DEF8: variants seen among roughly 807,000 people sequenced by gnomAD.
DEF8 encodes the protein DEF-8.
Under a neutral mutation model 59.1 loss-of-function variants are expected in DEF8, and 38 were observed. That is an observed-to-expected ratio of 0.64 (90% CI 0.50 to 0.84). The LOEUF (loss-of-function observed/expected upper bound fraction) is 0.84. Among genes scored for constraint, DEF8 ranks in the 40% least tolerant of loss-of-function variants. DEF8 has a pLI of 0.00. For missense variants in DEF8, 557 were observed against 615.2 expected, an observed-to-expected ratio of 0.91 and a Z score of 1.00; for synonymous variants, 265 against 250.1, an observed-to-expected ratio of 1.06 and a Z score of -0.56.
chr16:89,964,926 G>A (rs974766541), intron 12 of DEF8, among the ~76,000 whole-genome samples: 1 of 152,202 alleles, frequency 6.6e-6, no homozygotes, highest in African/African-American at 2.4e-5. Context: ...CTCTTTCAGG[G>A]TTAGTATAGG....
In DEF8 at chr16:89,954,292, C is replaced by T. The variant is rs765988888; in HGVS notation, c.40C>T (p.His14Tyr). 5.5e-5 allele frequency: 88 copies of T among 1,613,456 alleles called. No homozygotes were observed. Among genetic ancestry groups the T allele is most frequent in the Non-Finnish European group, 7.0e-5 (83 of 1,179,972 alleles). Residue 14 changes from histidine (H) to tyrosine (Y), a missense_variant, in exon 3 of 13, where the codon CAC becomes TAC. By Grantham distance (83) the His-to-Tyr change is moderately conservative (BLOSUM62 2). Transcript: ENST00000563594. This position sits in a 1 kb window ranked among gnomAD's most constrained non-coding sequence, Gnocchi z 4.3. Reference protein sequence around the residue: ...DEKLARFRQAHLNPFNKQSGP... With the variant: ...DEKLARFRQAYLNPFNKQSGP... ...GAAGCTGGCCCGTTTCCGGCAGGCCCACCTCAACCCCTTCAACAAGCAGTC... is the reference window on the plus strand; with the variant it reads ...GAAGCTGGCCCGTTTCCGGCAGGCCTACCTCAACCCCTTCAACAAGCAGTC...
Position 89,965,338 on chromosome 16 carries a change from C to A in DEF8, c.1254-523C>A, listed in dbSNP as rs2151224767. Among the ~76,000 whole-genome samples the A allele has an allele frequency of 1.3e-5, 2 of 152,318 alleles. 1 individual carries two copies. Among genetic ancestry groups the A allele is most frequent in the South Asian group, 4.1e-4 (2 of 4,830 alleles). The stretch of plus-strand genomic sequence containing the variant: ...TGGAATTTGCTATTTTTCATAGCAA[C>A]TGCTGAAATCCCAGCTCTACAGAGC... On this transcript the variant is annotated intron_variant, in intron 12 of 12. Transcript: ENST00000563594.
rs1373439546 is a variant in DEF8 at position 89,957,523 on chromosome 16, G to A, written c.235G>A (p.Ala79Thr). ...CCAACCTGGGCAGGGTCTGTTCCTG[G>A]CCTCTGACGTCCAGCAGCTGCGGCA... ...HFSRPVGLFL[A>T]SDVQQLRQAI... Residue 79 changes from alanine (A) to threonine (T), a missense_variant, in exon 5 of 13, where the codon GCC (alanine) becomes ACC (threonine). By Grantham distance (58) the Ala-to-Thr change is moderately conservative. Transcript: ENST00000563594. 2 of 1,588,672 alleles carry A rather than the reference G, an allele frequency of 1.3e-6. No individual in the cohort carries two copies. Among genetic ancestry groups the A allele is most frequent in the East Asian group, 2.3e-5 (1 of 43,600 alleles).
rs1191435404 is a variant in DEF8, at chr16:89,948,940, GGGGACGGGGCTGGGA to G, written c.-108+137_-108+151del. 37 of 46,736 alleles carry G rather than the reference GGGGACGGGGCTGGGA, an allele frequency of 7.9e-4. 1 individual carries two copies. The South Asian group carries it at 0.012, about 15-fold the overall frequency. 2.9% of individuals were successfully genotyped at this position (46,736 alleles called of 1,614,324 possible). A position where few individuals can be genotyped will look rare whatever the true frequency, so the allele number is the denominator to read the frequency against. ...CGGGGCCGGCGGGGACGGGGTCGGC[GGGGACGGGGCTGGGA>G]GGGACGGGGCCGGCGGGGACGGGGC... On this transcript the variant is annotated intron_variant, in intron 1 of 12. Transcript: ENST00000563594.
chr16:89,961,615 GA>G lies in DEF8; in HGVS notation c.680-121del. ...GACCACCTGAGGTCTTCCGGCTGAG[GA>G]TAGGACATGTTCCCATGTCTCCCCG... On this transcript the variant is annotated intron_variant, in intron 7 of 12. Coordinates refer to ENST00000563594, the MANE Select transcript of DEF8 (RefSeq NM_001242818.2). 3 of 1,270,124 alleles carry G rather than the reference GA, an allele frequency of 2.4e-6. No homozygotes were observed. In the Admixed American group the frequency reaches 5.5e-5, roughly 23 times the overall value. The allele number at this position is 1,270,124 out of a possible 1,614,324, so 78.7% of individuals were successfully genotyped here.
intron 4 of DEF8, 126 bp downstream of exon 4, chr16:89,955,392 C>A: frequency 2.6e-6 from 2 of 765,024 alleles, no homozygotes; most frequent in Non-Finnish European, 2.2e-6. Context: ...TACAGTCTCA[C>A]TCCATTGTCA....
chr16:89,953,605 C>T (rs2032595727), intron 2 of DEF8, among the ~76,000 whole-genome samples: 1 of 152,212 alleles, frequency 6.6e-6, no homozygotes, highest in Admixed American at 6.5e-5. Flanking sequence ...GGGGGCTTCT[C>T]TGTGTGCTGG....
At chr16:89,961,236 A>C in intron 7 of DEF8, 141 bp downstream of exon 7, 3 of 1,154,310 alleles carry the variant, frequency 2.6e-6, no homozygotes, top group Admixed American at 2.7e-5. Context: ...AGGAAGTGAC[A>C]AGGGTCTGTT....
chr16:89,954,057 G>T lies in DEF8; in HGVS notation c.-10-186G>T. On this transcript the variant is annotated intron_variant, in intron 2 of 12. Coordinates refer to ENST00000563594, the MANE Select transcript of DEF8 (RefSeq NM_001242818.2). The surrounding 1 kb of genome is among the most constrained non-coding windows in gnomAD (Gnocchi z 4.3). The stretch of plus-strand genomic sequence containing the variant: ...AGGGGACGCCACCAGTGGGGGCCTG[G>T]GCAGGAGGCAGCTGAGGTGTTTCAG... 1.6e-6 allele frequency: 1 copy of T among 622,440 alleles called. No individual in the cohort carries two copies. The highest frequency in any genetic ancestry group is 2.7e-6 in the Non-Finnish European group (1 of 366,170). The allele number at this position is 622,440 out of a possible 1,614,324, so 38.6% of individuals were successfully genotyped here.
At chr16:89,963,688 C>T (rs376715663) in intron 10 of DEF8, 7 of 544,648 alleles carry the variant, frequency 1.3e-5, no homozygotes, top group Admixed American at 3.3e-5. Context: ...GCCCAGCCCT[C>T]GTCAGGCAGG....
intron 4 of DEF8, 43 bp downstream of exon 4, chr16:89,955,309 C>T (rs754305511): frequency 3.5e-5 from 54 of 1,556,608 alleles, no homozygotes; most frequent in Non-Finnish European, 4.5e-5. Flanking sequence ...TGAGGGAACC[C>T]CCAAGGCAGG....
chr16:89,965,575 T>C (rs1055381770), intron 12 of DEF8, among the ~76,000 whole-genome samples: 1 of 152,186 alleles, frequency 6.6e-6, no homozygotes, highest in Non-Finnish European at 1.5e-5. Context: ...GGAAGGGCTC[T>C]GAGTCGAGTC....
chr16:89,955,051 C>T (rs1476359444), intron 3 of DEF8, 118 bp from the exon 4 acceptor site: 1 of 755,200 alleles, frequency 1.3e-6, no homozygotes, highest in Non-Finnish European at 2.2e-6. Context: ...CACGGTGCCT[C>T]CTTTCTGTGC....
chr16:89,958,605 A>ATCATT, intron 5 of DEF8: 1 of 195,828 alleles, frequency 5.1e-6, no homozygotes. Flanking sequence ...TTCCTCACGT[A>ATCATT]AAAATCCCAT....
rs1218526574 is a variant in DEF8, at chr16:89,954,387, G to C, written c.124+11G>C. 1 of 1,612,542 alleles carries C rather than the reference G, an allele frequency of 6.2e-7. No homozygotes were observed. The highest frequency in any genetic ancestry group is 2.2e-5 in the East Asian group (1 of 44,892). ...ACGTCACTCCTGAAGGTGGGTGCTG[G>C]TGGGAGTCAGGGTGGGAGCTGGGCA... On this transcript the variant is annotated intron_variant, in intron 3 of 12. Transcript: ENST00000563594. This position sits in a 1 kb window ranked among gnomAD's most constrained non-coding sequence, Gnocchi z 4.3.
chr16:89,955,315 G>A (rs2032974584), intron 4 of DEF8, 49 bp downstream of exon 4: 3 of 1,514,500 alleles, frequency 2.0e-6, no homozygotes, highest in Admixed American at 3.3e-5. Context: ...AACCCCCAAG[G>A]CAGGAAGGGC....
Position 89,966,217 on chromosome 16 carries a change from A to C in DEF8, c.*254A>C. The C allele has an allele frequency of 5.6e-5, 22 of 391,008 alleles. No individual in the cohort carries two copies. The highest frequency in any genetic ancestry group is 5.8e-5 in the Non-Finnish European group (12 of 207,088). The allele number at this position is 391,008 out of a possible 1,614,324, so 24.2% of individuals were successfully genotyped here. A position where few individuals can be genotyped will look rare whatever the true frequency, so the allele number is the denominator to read the frequency against. The stretch of plus-strand genomic sequence containing the variant: ...TTGCGTGGCCCCCATCCTTCCCCCA[A>C]TGCAGAACTCCATGGGCAGGGAGCT... On this transcript the variant is annotated 3_prime_UTR_variant, in exon 13 of 13. Coordinates refer to ENST00000563594, the MANE Select transcript of DEF8 (RefSeq NM_001242818.2).
chr16:89,949,456 C>A lies in DEF8; in HGVS notation c.-68C>A, dbSNP rs1027065814. The A allele has an allele frequency of 6.2e-6, 10 of 1,611,452 alleles. No individual in the cohort carries two copies. The African/African-American group carries it at 1.2e-4, about 19-fold the overall frequency. On this transcript the variant is annotated 5_prime_UTR_variant, in exon 2 of 13. Coordinates refer to ENST00000563594, the MANE Select transcript of DEF8 (RefSeq NM_001242818.2). ...ACGGCCAGGCTTCCGTGGCCAGCAG[C>A]CCTAGAGGAATGGCCATCCTGTCCC...
intron 2 of DEF8, 45 bp downstream of exon 2, chr16:89,949,558 T>A: frequency 6.2e-7 from 1 of 1,613,348 alleles, no homozygotes; most frequent in South Asian, 1.1e-5. Flanking sequence ...CCGGGGTGAC[T>A]TCTCAGGTTC....
Sources: allele counts gnomAD v4.1 joint callset (sites outside exome capture counted in the v4.1 genomes callset), GRCh38; gene constraint gnomAD v4.1.1; non-coding constraint Gnocchi (gnomAD v3.1); transcripts MANE v1.5; gene names NCBI Gene and HGNC (gene_info 2026-07-23, HGNC 2026-07-21).